The following MSRA variants were observed in gnomAD, a reference collection of about 807,000 sequenced individuals.
MSRA encodes methionine sulfoxide reductase A, also known as mitochondrial peptide methionine sulfoxide reductase.
In MSRA, 54 loss-of-function variants were observed where a neutral mutation model predicts 31.3. That is an observed-to-expected ratio of 1.73 (90% CI 1.39 to 2.17). The LOEUF is 2.17. Among genes scored for constraint, MSRA ranks in the 30% most tolerant of loss-of-function variants. The pLI, the probability that MSRA is intolerant of heterozygous loss-of-function variation, is 0.00. For missense variants in MSRA, 507 were observed against 300.9 expected, an observed-to-expected ratio of 1.69 and a Z score of -5.07; for synonymous variants, 169 against 116.5, an observed-to-expected ratio of 1.45 and a Z score of -2.90.
At chr8:10,098,640 A>G (rs1035833478) in intron 1 of MSRA, among the ~76,000 whole-genome samples, 9 of 152,234 alleles carry the variant, frequency 5.9e-5, no homozygotes, top group South Asian at 2.1e-4. Context: ...TTCTTGCACA[A>G]TACACATATT....
intron 5 of MSRA, among the ~76,000 whole-genome samples, chr8:10,369,551 G>A (rs1805364039): frequency 6.6e-6 from 1 of 152,146 alleles, no homozygotes. Flanking sequence ...GACTTGTGGT[G>A]CTTCATGCAT....
chr8:10,347,202 A>C (rs1803836778), intron 5 of MSRA, among the ~76,000 whole-genome samples: 1 of 152,152 alleles, frequency 6.6e-6, no homozygotes, highest in Non-Finnish European at 1.5e-5. Flanking sequence ...AGTCCCTTGC[A>C]CCGTGTCTGG....
intron 3 of MSRA, among the ~76,000 whole-genome samples, chr8:10,293,407 C>T (rs546622360): frequency 2.6e-5 from 4 of 152,348 alleles, no homozygotes; most frequent in East Asian, 1.9e-4. Flanking sequence ...TGACCGCTTC[C>T]TCCGTGTGCG....
intron 3 of MSRA, among the ~76,000 whole-genome samples, chr8:10,271,035 A>C (rs1365917580): frequency 2.0e-5 from 3 of 151,486 alleles, no homozygotes; most frequent in Admixed American, 2.0e-4. Flanking sequence ...GGCAATAAAT[A>C]ACTTTAAGCT....
At chr8:10,421,636 G>A (rs186469210) in intron 5 of MSRA, among the ~76,000 whole-genome samples, 7 of 152,230 alleles carry the variant, frequency 4.6e-5, no homozygotes, top group African/African-American at 1.7e-4. Flanking sequence ...TACCAGAAAG[G>A]CTCTTTACTG....
intron 3 of MSRA, among the ~76,000 whole-genome samples, chr8:10,298,843 T>C (rs1347213006): frequency 1.3e-5 from 2 of 152,232 alleles, no homozygotes; most frequent in African/African-American, 4.8e-5. Context: ...ATTGTAATAA[T>C]GACAGAGTGA....
At chr8:10,170,970 G>C (rs539043985) in intron 1 of MSRA, among the ~76,000 whole-genome samples, 5 of 152,208 alleles carry the variant, frequency 3.3e-5, no homozygotes, top group Admixed American at 3.3e-4. Flanking sequence ...TTGCATAGGC[G>C]TGGTGAGAGT....
At chr8:10,095,672 T>G in intron 1 of MSRA, 2 of 1,010,320 alleles carry the variant, frequency 2.0e-6, no homozygotes, top group Non-Finnish European at 2.4e-6. Flanking sequence ...CGGCTTGAGC[T>G]TCAGGAAAGA....
At chr8:10,218,120 ATT>A (rs1810162209) in intron 2 of MSRA, among the ~76,000 whole-genome samples, 1 of 81,828 alleles carries the variant, frequency 1.2e-5, no homozygotes, top group East Asian at 2.8e-4. Flanking sequence ...TTTTCTATTT[ATT>A]TATTTATTTA....
At chr8:10,178,966 AG>A (rs1391168897) in intron 1 of MSRA, among the ~76,000 whole-genome samples, 1 of 152,166 alleles carries the variant, frequency 6.6e-6, no homozygotes, top group Non-Finnish European at 1.5e-5. Context: ...TTTTTACTAG[AG>A]GAATATGACT....
intron 3 of MSRA, among the ~76,000 whole-genome samples, chr8:10,268,329 A>G (rs1798852649): frequency 6.6e-6 from 1 of 152,210 alleles, no homozygotes; most frequent in Admixed American, 6.5e-5. Context: ...GGTAGAAAGT[A>G]TGTTGCTGAA....
At chr8:10,182,083 C>G (rs1474689188) in intron 1 of MSRA, among the ~76,000 whole-genome samples, 1 of 152,194 alleles carries the variant, frequency 6.6e-6, no homozygotes, top group Non-Finnish European at 1.5e-5. Flanking sequence ...TGGCTTAGCT[C>G]TGACCTCCTA....
At chr8:10,285,208 C>T (rs999812170) in intron 3 of MSRA, among the ~76,000 whole-genome samples, 4 of 152,188 alleles carry the variant, frequency 2.6e-5, no homozygotes, top group Non-Finnish European at 5.9e-5. Context: ...ACCAATTCTG[C>T]ATCCGCCTTC....
chr8:10,260,605 T>A (rs1450832413), intron 3 of MSRA, among the ~76,000 whole-genome samples: 1 of 152,136 alleles, frequency 6.6e-6, no homozygotes, highest in Non-Finnish European at 1.5e-5. Context: ...TCCAAGGACG[T>A]ATCATGTTGA....
chr8:10,158,512 C>T (rs1804365943), intron 1 of MSRA, among the ~76,000 whole-genome samples: 1 of 152,234 alleles, frequency 6.6e-6, no homozygotes, highest in Non-Finnish European at 1.5e-5. Context: ...CATAAGTTTT[C>T]AGGATTCATC....
intron 5 of MSRA, among the ~76,000 whole-genome samples, chr8:10,330,114 C>G (rs925282137): frequency 6.1e-5 from 9 of 147,932 alleles, no homozygotes; most frequent in African/African-American, 2.2e-4. Flanking sequence ...TCTTTGAGCC[C>G]TGACTTAATT....
intron 3 of MSRA, among the ~76,000 whole-genome samples, chr8:10,301,266 GT>G (rs1253618009): frequency 6.6e-6 from 1 of 152,162 alleles, no homozygotes; most frequent in Non-Finnish European, 1.5e-5. Context: ...ACCCACGTTT[GT>G]TTTTTCATGA....
intron 3 of MSRA, among the ~76,000 whole-genome samples, chr8:10,295,135 C>G (rs1016195282): frequency 7.2e-5 from 11 of 152,114 alleles, no homozygotes; most frequent in Non-Finnish European, 1.5e-4. Context: ...TTTCCTGGCT[C>G]TTTGCCTACT....
At chr8:10,078,322 G>A (rs561225131) in intron 1 of MSRA, among the ~76,000 whole-genome samples, 4 of 152,350 alleles carry the variant, frequency 2.6e-5, no homozygotes, top group African/African-American at 7.2e-5. Context: ...AAGCTGAAAC[G>A]TGAGAGAGGT....
Sources: gnomAD v4.1 joint callset for allele counts (sites outside exome capture counted in the v4.1 genomes callset) on GRCh38, gnomAD v4.1.1 for gene constraint, MANE v1.5 for transcripts, NCBI Gene and HGNC (gene_info 2026-07-23, HGNC 2026-07-21) for gene names.